CCR4: variants seen among roughly 807,000 people sequenced by gnomAD.
CCR4 encodes the protein C-C motif chemokine receptor 4, also known as C-C chemokine receptor type 4.
Under a neutral mutation model 17.1 loss-of-function variants are expected in CCR4, and 9 were observed. The observed-to-expected ratio is 0.53, with a 90% confidence interval of 0.32 to 0.92. The LOEUF (loss-of-function observed/expected upper bound fraction) is 0.92, where lower values mean the gene tolerates loss of function less well. Ranked by LOEUF, CCR4 falls within the 40% of genes least tolerant of loss-of-function variation. The pLI is 0.04. For missense variants in CCR4, 385 were observed against 433.9 expected (o/e 0.89, Z 1.00); for synonymous variants, 217 against 174.3 (o/e 1.24, Z -1.93).
chr3:32,952,066 A>T (rs2125706532), intron 1 of CCR4, among the ~76,000 whole-genome samples: 1 of 152,186 alleles, frequency 6.6e-6, no homozygotes, highest in African/African-American at 2.4e-5. Context: ...TCTCCTGATA[A>T]TTTCCTAACT....
chr3:32,953,233 G>A, intron 1 of CCR4, 139 bp from the exon 2 acceptor site: 1 of 572,386 alleles, frequency 1.7e-6, no homozygotes, highest in Non-Finnish European at 2.9e-6. Context: ...GCAGGGCCCT[G>A]TGAGTAATCG....
At position 32,954,362 on chromosome 3, in the gene CCR4, T is replaced by C. The variant is rs1296239089; in HGVS notation, c.940T>C (p.Tyr314His). Residue 314 changes from tyrosine to histidine, a missense_variant, in exon 2 of 2, where the codon TAC (tyrosine) becomes CAC (histidine). Transcript: ENST00000330953. ...YFFLGEKFRK[Y>H]ILQLFKTCRG... ...TTTTCTGGGGGAGAAATTTCGCAAG[T>C]ACATCCTACAGCTCTTCAAAACCTG... 1.2e-6 allele frequency: 2 copies of C among 1,614,116 alleles called. No homozygotes were observed.
At position 32,954,157 on chromosome 3, in the gene CCR4, T is replaced by C; in HGVS notation, c.735T>C (p.Phe245=). 1 of 1,614,162 alleles carries C rather than the reference T, an allele frequency of 6.2e-7. No individual in the cohort carries two copies. The highest frequency in any genetic ancestry group is 8.5e-7 in the Non-Finnish European group (1 of 1,180,016). Residue 245 remains phenylalanine, a synonymous_variant, in exon 2 of 2, where the codon TTT becomes TTC. Transcript: ENST00000330953. ...EKKNKAVKMI[F]AVVVLFLGFW... is the part of the protein sequence containing the mutation. Reference sequence around the variant, plus strand: ...AGAACAAGGCGGTGAAGATGATCTTTGCCGTGGTGGTCCTCTTCCTTGGGT... The same window carrying C: ...AGAACAAGGCGGTGAAGATGATCTTCGCCGTGGTGGTCCTCTTCCTTGGGT...
chr3:32,953,318 A>G (rs9872264), intron 1 of CCR4, 54 bp from the exon 2 acceptor site: 39,380 of 1,324,810 alleles, frequency 0.03, 1,215 homozygotes, highest in African/African-American at 0.15. Context: ...ATTTAGCAAT[A>G]CTTTGGTTTA....
intron 1 of CCR4, among the ~76,000 whole-genome samples, 182 bp from the exon 2 acceptor site, chr3:32,953,190 T>G (rs1481443609): frequency 2.0e-5 from 3 of 152,200 alleles, no homozygotes; most frequent in African/African-American, 7.2e-5. Flanking sequence ...CAAATCTTTC[T>G]GCCTCCAAAG....
Position 32,956,320 on chromosome 3 carries a change from A to G in CCR4, c.*1815A>G, listed in dbSNP as rs770918051. On this transcript the variant is annotated 3_prime_UTR_variant, in exon 2 of 2. Transcript: ENST00000330953. Reference sequence around the variant, plus strand: ...CCTTAATCATTTTGAAGTGCCTGCTATCAATTGAAATAAAAACAATCAACT... The same window carrying G: ...CCTTAATCATTTTGAAGTGCCTGCTGTCAATTGAAATAAAAACAATCAACT... The G allele has an allele frequency of 4.2e-5, 7 of 167,262 alleles. No individual in the cohort carries two copies. The highest frequency in any genetic ancestry group is 3.4e-3 in the Middle Eastern group (1 of 296). 10.4% of individuals were successfully genotyped at this position (167,262 alleles called of 1,614,324 possible). A position where few individuals can be genotyped will look rare whatever the true frequency, so the allele number is the denominator to read the frequency against.
Position 32,954,159 on chromosome 3 carries a change from C to T in CCR4, c.737C>T (p.Ala246Val), listed in dbSNP as rs1231295440. 1 of 1,614,076 alleles carries T rather than the reference C, an allele frequency of 6.2e-7. No individual in the cohort carries two copies. Among genetic ancestry groups the T allele is most frequent in the Non-Finnish European group, 8.5e-7 (1 of 1,180,010 alleles). Residue 246 changes from alanine (A) to valine (V), a missense_variant, in exon 2 of 2, where the codon GCC (alanine) becomes GTC (valine). Coordinates refer to ENST00000330953, the MANE Select transcript of CCR4 (RefSeq NM_005508.5). Reference sequence around the variant, plus strand: ...AACAAGGCGGTGAAGATGATCTTTGCCGTGGTGGTCCTCTTCCTTGGGTTC... The same window carrying T: ...AACAAGGCGGTGAAGATGATCTTTGTCGTGGTGGTCCTCTTCCTTGGGTTC... ...KKNKAVKMIF[A>V]VVVLFLGFWT...
At position 32,954,408 on chromosome 3, in the gene CCR4, G is replaced by A; in HGVS notation, c.986G>A (p.Cys329Tyr). Reference sequence around the variant, plus strand: ...ACCTGCAGGGGCCTTTTTGTGCTCTGCCAATACTGTGGGCTCCTCCAAATT... The same window carrying A: ...ACCTGCAGGGGCCTTTTTGTGCTCTACCAATACTGTGGGCTCCTCCAAATT... The part of the protein sequence containing the change: ...FKTCRGLFVL[C>Y]QYCGLLQIYS... Residue 329 changes from cysteine (C) to tyrosine (Y), a missense_variant, in exon 2 of 2, where the codon TGC becomes TAC. By Grantham distance (194) the Cys-to-Tyr change is radical. Transcript: ENST00000330953. 2 of 1,609,500 alleles carry A rather than the reference G, an allele frequency of 1.2e-6. No individual in the cohort carries two copies. The highest frequency in any genetic ancestry group is 8.5e-7 in the Non-Finnish European group (1 of 1,178,320).
At position 32,953,719 on chromosome 3, in the gene CCR4, A is replaced by T. The variant is rs1372702232; in HGVS notation, c.297A>T (p.Ala99=). The change falls in exon 2 of 2, where the codon GCA becomes GCT. Residue 99 remains alanine (A), a synonymous_variant. Coordinates refer to ENST00000330953, the MANE Select transcript of CCR4 (RefSeq NM_005508.5). ...CCCTCCCTTTTTGGGGCTACTATGCAGCAGACCAGTGGGTTTTTGGGCTAG... is the reference window on the plus strand; with the variant it reads ...CCCTCCCTTTTTGGGGCTACTATGCTGCAGACCAGTGGGTTTTTGGGCTAG... The part of the protein sequence containing the change: ...VFSLPFWGYY[A]ADQWVFGLGL... 6.2e-7 allele frequency: 1 copy of T among 1,614,088 alleles called. No homozygotes were observed. Among genetic ancestry groups the T allele is most frequent in the Middle Eastern group, 1.6e-4 (1 of 6,062 alleles).
At position 32,955,140 on chromosome 3, in the gene CCR4, C is replaced by T. The variant is rs1428991270; in HGVS notation, c.*635C>T. 6.0e-6 allele frequency: 1 copy of T among 167,070 alleles called. No homozygotes were observed. The highest frequency in any genetic ancestry group is 1.5e-5 in the Non-Finnish European group (1 of 68,120). 10.3% of individuals were successfully genotyped at this position (167,070 alleles called of 1,614,324 possible). A position where few individuals can be genotyped will look rare whatever the true frequency, so the allele number is the denominator to read the frequency against. ...CATTAGCCAAGGTCTGCTTTCCAAA[C>T]GTGAACTACAAGGCATTCAAAATCC... On this transcript the variant is annotated 3_prime_UTR_variant, in exon 2 of 2. Transcript: ENST00000330953.
At position 32,954,245 on chromosome 3, in the gene CCR4, G is replaced by T; in HGVS notation, c.823G>T (p.Asp275Tyr). The change falls in exon 2 of 2, where the codon GAC becomes TAC. Residue 275 changes from aspartate to tyrosine, a missense_variant. Asp to Tyr is a radical substitution (Grantham distance 160). Transcript: ENST00000330953. ...ETLVELEVLQDCTFERYLDYA... is the reference protein window; with the variant it reads ...ETLVELEVLQYCTFERYLDYA... ...CCTGGTGGAGCTAGAAGTCCTTCAG[G>T]ACTGCACCTTTGAAAGATACTTGGA... The T allele has an allele frequency of 6.2e-7, 1 of 1,614,062 alleles. No homozygotes were observed. The highest frequency in any genetic ancestry group is 8.5e-7 in the Non-Finnish European group (1 of 1,180,002).
In CCR4 at chr3:32,954,737, G is replaced by T; in HGVS notation, c.*232G>T. ...CTTCCTCACACCAGGCTTGCCTGCA[G>T]GCATGAGTCAGTCTGATGAGAACTC... On this transcript the variant is annotated 3_prime_UTR_variant, in exon 2 of 2. Transcript: ENST00000330953. 1 of 483,670 alleles carries T rather than the reference G, an allele frequency of 2.1e-6. No individual in the cohort carries two copies. The highest frequency in any genetic ancestry group is 3.7e-6 in the Non-Finnish European group (1 of 269,370). The allele number at this position is 483,670 out of a possible 1,614,324, so 30.0% of individuals were successfully genotyped here. A position where few individuals can be genotyped will look rare whatever the true frequency, so the allele number is the denominator to read the frequency against.
intron 1 of CCR4, 80 bp from the exon 2 acceptor site, chr3:32,953,292 C>G: frequency 9.3e-7 from 1 of 1,073,072 alleles, no homozygotes; most frequent in Non-Finnish European, 1.3e-6. Flanking sequence ...CAAAACAGTA[C>G]GCAGCCATGC....
Position 32,953,623 on chromosome 3 carries a change from C to T in CCR4, c.201C>T (p.Tyr67=). Reference sequence around the variant, plus strand: ...TGGTGGTTCTGGTCCTGTTCAAATACAAGCGGCTCAGGTCCATGACTGATG... The same window carrying T: ...TGGTGGTTCTGGTCCTGTTCAAATATAAGCGGCTCAGGTCCATGACTGATG... ...NSVVVLVLFK[Y]KRLRSMTDVY... is the part of the protein sequence containing the mutation. Residue 67 remains tyrosine, a synonymous_variant, in exon 2 of 2, where the codon TAC becomes TAT. Transcript: ENST00000330953. The T allele has an allele frequency of 6.2e-7, 1 of 1,614,046 alleles. No individual in the cohort carries two copies.
At position 32,953,687 on chromosome 3, in the gene CCR4, G is replaced by T; in HGVS notation, c.265G>T (p.Val89Leu). ...CCTTGCCATCTCGGATCTGCTCTTC[G>T]TGTTTTCCCTCCCTTTTTGGGGCTA... ...LNLAISDLLFVFSLPFWGYYA... is the reference protein window; with the variant it reads ...LNLAISDLLFLFSLPFWGYYA... Residue 89 changes from valine to leucine, a missense_variant, in exon 2 of 2, where the codon GTG becomes TTG. By Grantham distance (32) the Val-to-Leu change is conservative (BLOSUM62 1). Transcript: ENST00000330953. 6.2e-7 allele frequency: 1 copy of T among 1,614,010 alleles called. No individual in the cohort carries two copies.
rs1234972643 is a variant in CCR4, at chr3:32,953,442, C to T, written c.20C>T (p.Ala7Val). The change falls in exon 2 of 2, where the codon GCA (alanine) becomes GTA (valine). Residue 7 changes from alanine to valine, a missense_variant. Ala to Val is a moderately conservative substitution (Grantham distance 64). Transcript: ENST00000330953. MNPTDI[A>V]DTTLDESIYS... Reference sequence around the variant, plus strand: ...TAAAAAATGAACCCCACGGATATAGCAGACACCACCCTCGATGAAAGCATA... The same window carrying T: ...TAAAAAATGAACCCCACGGATATAGTAGACACCACCCTCGATGAAAGCATA... 6.2e-7 allele frequency: 1 copy of T among 1,610,590 alleles called. No individual in the cohort carries two copies. Among genetic ancestry groups the T allele is most frequent in the South Asian group, 1.1e-5 (1 of 90,480 alleles).
intron 1 of CCR4, among the ~76,000 whole-genome samples, chr3:32,952,510 C>T (rs956672637): frequency 1.3e-5 from 2 of 152,216 alleles, no homozygotes; most frequent in African/African-American, 2.4e-5. Flanking sequence ...CCTCCCTCCT[C>T]GGCCTCCCGA....
In CCR4 at chr3:32,955,521, G is replaced by C. The variant is rs898601146; in HGVS notation, c.*1016G>C. 8.0e-5 allele frequency: 10 copies of C among 125,672 alleles called. No individual in the cohort carries two copies. Among genetic ancestry groups the C allele is most frequent in the African/African-American group, 3.5e-4 (10 of 28,692 alleles). 7.8% of individuals were successfully genotyped at this position (125,672 alleles called of 1,614,324 possible). A position where few individuals can be genotyped will look rare whatever the true frequency, so the allele number is the denominator to read the frequency against. ...CATTGTACTCCAACCTGGGCAAAAA[G>C]AGCGAAACTCTGTCTCAAAAAAAAA... is the stretch of plus-strand genomic sequence containing the variant. On this transcript the variant is annotated 3_prime_UTR_variant, in exon 2 of 2. Coordinates refer to ENST00000330953, the MANE Select transcript of CCR4 (RefSeq NM_005508.5).
rs1695721296 is a variant in CCR4 at position 32,956,145 on chromosome 3, ACTC to A, written c.*1643_*1645del. 2 of 165,118 alleles carry A rather than the reference ACTC, an allele frequency of 1.2e-5. No homozygotes were observed. The highest frequency in any genetic ancestry group is 2.5e-5 in the African/African-American group (1 of 40,720). 10.2% of individuals were successfully genotyped at this position (165,118 alleles called of 1,614,324 possible). On this transcript the variant is annotated 3_prime_UTR_variant, in exon 2 of 2. Transcript: ENST00000330953. ...ACCATATTGGCCAGGCTAGTCTTGA[ACTC>A]CTGACCTCAGGTGATCTGCCTGCTT...
Sources: gnomAD v4.1 joint callset for allele counts (sites outside exome capture counted in the v4.1 genomes callset) on GRCh38, gnomAD v4.1.1 for gene constraint, MANE v1.5 for transcripts, NCBI Gene and HGNC (gene_info 2026-07-23, HGNC 2026-07-21) for gene names.